FHDC1: variants seen among roughly 807,000 people sequenced by gnomAD.
The protein encoded by FHDC1 is FH2 domain-containing protein 1.
A neutral mutation model predicts 52.6 loss-of-function variants in FHDC1; 25 were observed. The ratio of observed to expected loss-of-function variants is 0.48; its 90% CI spans 0.35 to 0.66. The LOEUF (loss-of-function observed/expected upper bound fraction) is 0.66, where lower values mean the gene tolerates loss of function less well. FHDC1 is among the 30% of genes least tolerant of loss of function. The pLI is 0.01. For missense variants in FHDC1, 1,459 were observed against 1,452.8 expected (o/e 1.00, Z -0.07); for synonymous variants, 616 against 581.5 (o/e 1.06, Z -0.85).
At chr4:152,933,636 G>A (rs892249922), upstream of FHDC1, among the ~76,000 whole-genome samples, 1 of 151,278 alleles carries the variant, frequency 6.6e-6, no homozygotes, top group Non-Finnish European at 1.5e-5. Context: ...GGGAGGCTGA[G>A]GCAGGAGAAT....
At chr4:152,951,814 G>T (rs373538748) in intron 2 of FHDC1, among the ~76,000 whole-genome samples, 1 of 152,138 alleles carries the variant, frequency 6.6e-6, no homozygotes, top group Non-Finnish European at 1.5e-5. Context: ...CCACGCAGCC[G>T]GGATGTTTAC....
chr4:152,974,174 C>A (rs1182221677), intron 11 of FHDC1, among the ~76,000 whole-genome samples: 1 of 152,248 alleles, frequency 6.6e-6, no homozygotes, highest in South Asian at 2.1e-4. Context: ...CAGATCCATG[C>A]TGCACAGAAG....
At chr4:152,971,401 G>C (rs573009661) in intron 10 of FHDC1, among the ~76,000 whole-genome samples, 1 of 152,100 alleles carries the variant, frequency 6.6e-6, no homozygotes, top group Non-Finnish European at 1.5e-5. Context: ...CATTCTCATG[G>C]GCTGTGGCTG....
At chr4:152,931,555 TAGGC>T (rs1739253690), upstream of FHDC1, among the ~76,000 whole-genome samples, 1 of 150,596 alleles carries the variant, frequency 6.6e-6, no homozygotes, top group Admixed American at 6.6e-5. Context: ...ACAGTATAGA[TAGGC>T]AGGCATGAGA....
chr4:152,962,695 T>C (rs1740314586), intron 6 of FHDC1, 119 bp from the exon 7 acceptor site: 1 of 737,716 alleles, frequency 1.4e-6, no homozygotes, highest in Non-Finnish European at 2.3e-6. Flanking sequence ...TTCCGTTTTA[T>C]ATACAGTTTA....
At chr4:152,957,561 A>G (rs915462437) in intron 4 of FHDC1, among the ~76,000 whole-genome samples, 6 of 152,214 alleles carry the variant, frequency 3.9e-5, no homozygotes, top group African/African-American at 1.2e-4. Flanking sequence ...GGAAGGGCAA[A>G]GGTTGTCAAA....
chr4:152,918,284 G>A, the FHDC1 span: 1 of 152,180 alleles, frequency 6.6e-6, no homozygotes. Context: ...AACTCTGCCT[G>A]TTTAGTTCTT....
chr4:152,921,282 T>A, the FHDC1 span, among the ~76,000 whole-genome samples: 4 of 152,002 alleles, frequency 2.6e-5, no homozygotes, highest in African/African-American at 9.6e-5. Context: ...AATATATATT[T>A]TTAAAAAATT....
intron 10 of FHDC1, among the ~76,000 whole-genome samples, chr4:152,969,034 C>T (rs540658442): frequency 9.9e-5 from 15 of 151,564 alleles, no homozygotes; most frequent in African/African-American, 3.6e-4. Flanking sequence ...TGTGACAGCT[C>T]ACTGTGACTC....
At chr4:152,967,153 T>G (rs192325450) in intron 9 of FHDC1, among the ~76,000 whole-genome samples, 5 of 152,172 alleles carry the variant, frequency 3.3e-5, no homozygotes, top group Non-Finnish European at 7.4e-5. Context: ...CAGCTGGGCC[T>G]GGTGGCTCAC....
rs796781121 is a variant in FHDC1, at chr4:152,955,313, G to GA, written c.663+1002dup. The stretch of plus-strand genomic sequence containing the variant: ...TTGTTGAATGGTTAGGAGCTTGATA[G>GA]AAAAAAAACCCAGAAAAACAGTTGT... On this transcript the variant is annotated intron_variant, in intron 4 of 11. Transcript: ENST00000511601. Among the ~76,000 whole-genome samples, 15 of 151,490 alleles carry GA rather than the reference G, an allele frequency of 9.9e-5. 1 individual carries two copies. The East Asian group carries it at 1.2e-3, about 12-fold the overall frequency.
chr4:152,963,062 T>G lies in FHDC1; in HGVS notation c.961T>G (p.Ser321Ala). ...CAATGCAGTAGGATTTAAACTGTCT[T>G]CTTTGCTCAAATTGGCAGACACAAA... Reference protein sequence around the residue: ...AGNAVGFKLSSLLKLADTKAN... With the variant: ...AGNAVGFKLSALLKLADTKAN... Residue 321 changes from serine (S) to alanine (A), a missense_variant, in exon 8 of 12, where the codon TCT becomes GCT. Around this residue, in one of 3 missense-constraint regions of FHDC1, gnomAD observed 513 missense variants for 581.5 expected, o/e 0.88. Coordinates refer to ENST00000511601, the MANE Select transcript of FHDC1 (RefSeq NM_001371116.1). The G allele has an allele frequency of 1.2e-6, 2 of 1,614,018 alleles. No individual in the cohort carries two copies. The highest frequency in any genetic ancestry group is 1.7e-6 in the Non-Finnish European group (2 of 1,180,022).
At chr4:152,953,841 G>T (rs1192128900) in intron 3 of FHDC1, among the ~76,000 whole-genome samples, 1 of 152,276 alleles carries the variant, frequency 6.6e-6, no homozygotes, top group African/African-American at 2.4e-5. Context: ...CCCTTCAGTG[G>T]AGGTTGGACT....
intron 2 of FHDC1, among the ~76,000 whole-genome samples, chr4:152,952,709 T>C: frequency 6.6e-6 from 1 of 152,224 alleles, no homozygotes; most frequent in East Asian, 1.9e-4. Context: ...CATCGTTAGA[T>C]TTTGGTATCC....
chr4:152,977,083 C>T lies in FHDC1; in HGVS notation c.*360C>T, dbSNP rs1423520521. 2 of 172,024 alleles carry T rather than the reference C, an allele frequency of 1.2e-5. No individual in the cohort carries two copies. The highest frequency in any genetic ancestry group is 2.4e-5 in the Non-Finnish European group (2 of 83,398). 10.7% of individuals were successfully genotyped at this position (172,024 alleles called of 1,614,324 possible). A position where few individuals can be genotyped will look rare whatever the true frequency, so the allele number is the denominator to read the frequency against. On this transcript the variant is annotated 3_prime_UTR_variant, in exon 12 of 12. Coordinates refer to ENST00000511601, the MANE Select transcript of FHDC1 (RefSeq NM_001371116.1). The stretch of plus-strand genomic sequence containing the variant: ...TTTTTTCAGGCCAGTTTTTATATAT[C>T]AAAGACTTTCTTTTTAATATAAAAA...
chr4:152,928,347 A>C, the FHDC1 span: 1 of 447,452 alleles, frequency 2.2e-6, no homozygotes. Flanking sequence ...AACCAATCCA[A>C]TCTAAAAATG....
intron 2 of FHDC1, among the ~76,000 whole-genome samples, chr4:152,952,903 A>C (rs1203426324): frequency 6.6e-6 from 1 of 152,196 alleles, no homozygotes; most frequent in African/African-American, 2.4e-5. Flanking sequence ...AGGCCGAGGC[A>C]GGTGGATCAC....
chr4:152,975,105 C>T lies in FHDC1; in HGVS notation c.1814C>T (p.Ser605Leu), dbSNP rs113529553. ...DSSFAHKPQA[S>L]GGQEEAPNPP... The stretch of plus-strand genomic sequence containing the variant: ...AGCTTTGCACACAAACCTCAGGCCT[C>T]GGGGGGCCAGGAGGAGGCCCCCAAC... Residue 605 changes from serine (S) to leucine (L), a missense_variant, in exon 12 of 12, where the codon TCG (serine) becomes TTG (leucine). Transcript: ENST00000511601. The T allele has an allele frequency of 1.9e-3, 3,091 of 1,612,660 alleles. 32 individuals carry two copies. In the African/African-American group the frequency reaches 0.026, roughly 14 times the overall value.
rs767830602 is a variant in FHDC1, at chr4:152,943,017, T to C, written c.-41T>C. 13 of 1,559,614 alleles carry C rather than the reference T, an allele frequency of 8.3e-6. No homozygotes were observed. Among genetic ancestry groups the C allele is most frequent in the Admixed American group, 1.8e-5 (1 of 54,758 alleles). On this transcript the variant is annotated 5_prime_UTR_variant, in exon 2 of 12. Coordinates refer to ENST00000511601, the MANE Select transcript of FHDC1 (RefSeq NM_001371116.1). The stretch of plus-strand genomic sequence containing the variant: ...CAAGTTTGATGTTTGTGTCTTCTTC[T>C]CCAAGGCCAAGAAATTATCTCCATA...
Sources: gnomAD v4.1 joint callset for allele counts (sites outside exome capture counted in the v4.1 genomes callset) on GRCh38, gnomAD v4.1.1 for gene constraint, gnomAD v4.1.1 regional missense constraint, MANE v1.5 for transcripts, NCBI Gene and HGNC (gene_info 2026-07-23, HGNC 2026-07-21) for gene names.